Variants in MTFP1 observed in about 807,000 individuals in gnomAD.
The protein encoded by MTFP1 is mitochondrial fission process 1.
In MTFP1, 19 loss-of-function variants were observed where a neutral mutation model predicts 17.1. The ratio of observed to expected loss-of-function variants is 1.11; its 90% confidence interval spans 0.77 to 1.63. The LOEUF is 1.63. Ranked by LOEUF, MTFP1 falls within the 40% of genes most tolerant of loss-of-function variation. The pLI is 0.00. For synonymous variants in MTFP1, 89 were observed against 95.2 expected (o/e 0.93, Z 0.38); for missense variants, 221 against 226.2 (o/e 0.98, Z 0.15).
Position 30,428,670 on chromosome 22 carries a change from C to T in MTFP1, c.*136C>T. ...TGGGTGGGTTTGAGCTGGACAGAAG[C>T]TTAGAGACAAAGGCTTCAAGAAGCA... On this transcript the variant is annotated 3_prime_UTR_variant, in exon 4 of 4. Coordinates refer to ENST00000266263, the MANE Select transcript of MTFP1 (RefSeq NM_016498.5). 6.2e-7 allele frequency: 1 copy of T among 1,613,962 alleles called. No individual in the cohort carries two copies. The highest frequency in any genetic ancestry group is 8.5e-7 in the Non-Finnish European group (1 of 1,179,952).
chr22:30,427,242 T>C lies in MTFP1; in HGVS notation c.267T>C (p.Ala89=). The change falls in exon 3 of 4, where the codon GCT becomes GCC. Residue 89 remains alanine (A), a synonymous_variant. Coordinates refer to ENST00000266263, the MANE Select transcript of MTFP1 (RefSeq NM_016498.5). ...VAVVDTFVWQ[A]LASVAIPGFT... ...TGGTGGACACCTTTGTATGGCAGGC[T>C]CTAGCCTCTGTGGCCATTCCGGGCT... 6.2e-7 allele frequency: 1 copy of C among 1,614,052 alleles called. No individual in the cohort carries two copies. The highest frequency in any genetic ancestry group is 1.1e-5 in the South Asian group (1 of 91,084).
intron 1 of MTFP1, 23 bp downstream of exon 1, chr22:30,425,969 G>C (rs1372744087): frequency 6.7e-7 from 1 of 1,494,428 alleles, no homozygotes; most frequent in African/African-American, 1.4e-5. Flanking sequence ...CGACGGGCGC[G>C]GCGACCCCAC....
At position 30,428,848 on chromosome 22, in the gene MTFP1, A is replaced by G; in HGVS notation, c.*314A>G. 1 of 632,958 alleles carries G rather than the reference A, an allele frequency of 1.6e-6. No homozygotes were observed. The highest frequency in any genetic ancestry group is 2.7e-6 in the Non-Finnish European group (1 of 367,108). The allele number at this position is 632,958 out of a possible 1,614,324, so 39.2% of individuals were successfully genotyped here. ...CATGGAGGATGAGAGACTGAGGCTCAGGGAGGGCAAGGAATAGGCCCAAGA... is the reference window on the plus strand; with the variant it reads ...CATGGAGGATGAGAGACTGAGGCTCGGGGAGGGCAAGGAATAGGCCCAAGA... On this transcript the variant is annotated 3_prime_UTR_variant, in exon 4 of 4. Coordinates refer to ENST00000266263, the MANE Select transcript of MTFP1 (RefSeq NM_016498.5).
At chr22:30,428,280 G>C (rs573401547) in intron 3 of MTFP1, among the ~76,000 whole-genome samples, 182 bp from the exon 4 acceptor site, 1 of 152,298 alleles carries the variant, frequency 6.6e-6, no homozygotes, top group South Asian at 2.1e-4. Flanking sequence ...TCTATTCTGG[G>C]AGTTTGATTC....
Position 30,427,161 on chromosome 22 carries a change from C to T in MTFP1, c.196-10C>T, listed in dbSNP as rs117159309. The T allele has an allele frequency of 4.8e-3, 7,802 of 1,613,392 alleles. 43 individuals carry two copies. Among genetic ancestry groups the T allele is most frequent in the Middle Eastern group, 0.018 (111 of 6,058 alleles). ...GCCCCAGCTGGATTAAGTGTCTCTG[C>T]GCCCACCAGGTGCCCAGCCCTGAAG... On this transcript the variant is annotated splice_polypyrimidine_tract_variant and intron_variant, in intron 2 of 3. Transcript: ENST00000266263.
At chr22:30,426,872 C>T (rs1374032756) in intron 2 of MTFP1, 28 bp downstream of exon 2, 1 of 1,604,178 alleles carries the variant, frequency 6.2e-7, no homozygotes, top group Admixed American at 1.7e-5. Flanking sequence ...TTCCAACCCC[C>T]AACCCTAGCT....
chr22:30,427,521 AT>A, intron 3 of MTFP1, 118 bp downstream of exon 3: 5 of 1,117,390 alleles, frequency 4.5e-6, no homozygotes, highest in Non-Finnish European at 6.6e-6. Context: ...TGCTGGAGCA[AT>A]AGCAGGGACA....
intron 2 of MTFP1, 91 bp from the exon 3 acceptor site, chr22:30,427,080 C>A: frequency 6.9e-7 from 1 of 1,458,122 alleles, no homozygotes; most frequent in Non-Finnish European, 9.6e-7. Flanking sequence ...AGTCCACTGG[C>A]CACTTGCCCC....
In MTFP1 at chr22:30,425,847, G is replaced by C. The variant is rs574653591; in HGVS notation, c.-33G>C. The C allele has an allele frequency of 2.0e-5, 31 of 1,528,364 alleles. No individual in the cohort carries two copies. The African/African-American group carries it at 3.8e-4, about 19-fold the overall frequency. 94.7% of individuals were successfully genotyped at this position (1,528,364 alleles called of 1,614,324 possible). ...CGGAGACTGCAGTGGAGCCAGTACC[G>C]GCTGTAGTGGCCGGGGCCGTGGCGG... On this transcript the variant is annotated 5_prime_UTR_variant, in exon 1 of 4. Coordinates refer to ENST00000266263, the MANE Select transcript of MTFP1 (RefSeq NM_016498.5).
chr22:30,427,072 T>TCCACTGG lies in MTFP1; in HGVS notation c.196-93_196-87dup, dbSNP rs2146057361. 2.8e-6 allele frequency: 4 copies of TCCACTGG among 1,436,058 alleles called. No homozygotes were observed. In the East Asian group the frequency reaches 9.1e-5, roughly 33 times the overall value. The allele number at this position is 1,436,058 out of a possible 1,614,324, so 89.0% of individuals were successfully genotyped here. ...TACCCCACTCCTGGGTGCGGACAAG[T>TCCACTGG]CCACTGGCCACTTGCCCCTCCCGGT... On this transcript the variant is annotated intron_variant, in intron 2 of 3. Coordinates refer to ENST00000266263, the MANE Select transcript of MTFP1 (RefSeq NM_016498.5).
chr22:30,428,443 A>G lies in MTFP1; in HGVS notation c.429-19A>G, dbSNP rs1378654872. ...GAACACCCTTGGTCACCTGCTCACCACCCTTCCACTCCCTACAGGTCGGTG... is the reference window on the plus strand; with the variant it reads ...GAACACCCTTGGTCACCTGCTCACCGCCCTTCCACTCCCTACAGGTCGGTG... On this transcript the variant is annotated intron_variant, in intron 3 of 3. Transcript: ENST00000266263. The G allele has an allele frequency of 6.2e-7, 1 of 1,610,542 alleles. No individual in the cohort carries two copies. The highest frequency in any genetic ancestry group is 8.5e-7 in the Non-Finnish European group (1 of 1,177,448).
Position 30,428,616 on chromosome 22 carries a change from GCTCCCT to G in MTFP1, c.*83_*88del. The stretch of plus-strand genomic sequence containing the variant: ...TCCTGCCAGGGAATGTGGACACCTG[GCTCCCT>G]GGTGTCCAAAGACCCTGGCACCTGG... On this transcript the variant is annotated 3_prime_UTR_variant, in exon 4 of 4. Transcript: ENST00000266263. 6.2e-7 allele frequency: 1 copy of G among 1,614,168 alleles called. No homozygotes were observed. The highest frequency in any genetic ancestry group is 8.5e-7 in the Non-Finnish European group (1 of 1,180,022).
At chr22:30,426,093 C>A (rs991772153) in intron 1 of MTFP1, 147 bp downstream of exon 1, 4 of 862,122 alleles carry the variant, frequency 4.6e-6, no homozygotes, top group Admixed American at 3.4e-5. Flanking sequence ...TCAGACAGGG[C>A]TAGGGACTTG....
chr22:30,427,787 G>T (rs182187865), intron 3 of MTFP1, among the ~76,000 whole-genome samples: 1 of 152,294 alleles, frequency 6.6e-6, no homozygotes, highest in Non-Finnish European at 1.5e-5. Context: ...ATAAAATGGA[G>T]TAAAAGTCCA....
At chr22:30,426,667 C>T (rs1008864554) in intron 1 of MTFP1, 50 bp from the exon 2 acceptor site, 5 of 1,606,490 alleles carry the variant, frequency 3.1e-6, no homozygotes, top group Non-Finnish European at 4.2e-6. Context: ...GCTCCAACGC[C>T]CCCTCGTGGA....
chr22:30,426,896 G>A (rs1438315475), intron 2 of MTFP1, 52 bp downstream of exon 2: 7 of 1,599,336 alleles, frequency 4.4e-6, no homozygotes, highest in Non-Finnish European at 5.9e-6. Context: ...TTCTTGTGTG[G>A]TTCAGTCCAC....
At position 30,428,833 on chromosome 22, in the gene MTFP1, G is replaced by A. The variant is rs1429227606; in HGVS notation, c.*299G>A. 1.5e-6 allele frequency: 1 copy of A among 672,234 alleles called. No homozygotes were observed. 41.6% of individuals were successfully genotyped at this position (672,234 alleles called of 1,614,324 possible). On this transcript the variant is annotated 3_prime_UTR_variant, in exon 4 of 4. Coordinates refer to ENST00000266263, the MANE Select transcript of MTFP1 (RefSeq NM_016498.5). ...AAAATTACATCCTCCCATGGAGGAT[G>A]AGAGACTGAGGCTCAGGGAGGGCAA...
chr22:30,427,522 T>C, intron 3 of MTFP1, 119 bp downstream of exon 3: 1 of 1,106,320 alleles, frequency 9.0e-7, no homozygotes, highest in Non-Finnish European at 1.3e-6. Context: ...GCTGGAGCAA[T>C]AGCAGGGACA....
chr22:30,426,875 C>T, intron 2 of MTFP1, 31 bp downstream of exon 2: 1 of 1,603,320 alleles, frequency 6.2e-7, no homozygotes, highest in Non-Finnish European at 8.5e-7. Context: ...CAACCCCCAA[C>T]CCTAGCTCTC....
Sources: allele counts gnomAD v4.1 joint callset (sites outside exome capture counted in the v4.1 genomes callset), GRCh38; gene constraint gnomAD v4.1.1; transcripts MANE v1.5; gene names NCBI Gene and HGNC (gene_info 2026-07-23, HGNC 2026-07-21).